The following ADGRL2 variants were observed in gnomAD, a reference collection of about 807,000 sequenced individuals.
ADGRL2 encodes calcium-independent alpha-latrotoxin receptor 2.
A neutral mutation model predicts 157.4 loss-of-function variants in ADGRL2; 44 were observed. That is an observed-to-expected ratio of 0.28 (90% confidence interval 0.22 to 0.36). ADGRL2 has a LOEUF of 0.36. ADGRL2 is among the 10% of genes least tolerant of loss of function. ADGRL2 has a pLI of 1.00. For missense variants in ADGRL2, 1,510 were observed against 1,768.9 expected, an observed-to-expected ratio of 0.85 and a Z score of 2.63; for synonymous variants, 585 against 624.7, an observed-to-expected ratio of 0.94 and a Z score of 0.95.
intron 1 of ADGRL2, among the ~76,000 whole-genome samples, chr1:81,388,303 T>C (rs966446368): frequency 6.6e-6 from 1 of 152,140 alleles, no homozygotes; most frequent in Non-Finnish European, 1.5e-5. Context: ...AGAGAGAATA[T>C]ATGTTGATTT....
chr1:81,758,602 G>C (rs1044037010), intron 1 of ADGRL2, among the ~76,000 whole-genome samples: 5 of 152,176 alleles, frequency 3.3e-5, no homozygotes, highest in African/African-American at 1.2e-4. Context: ...TCATTAAGAA[G>C]TAGCTCACCT....
intron 3 of ADGRL2, among the ~76,000 whole-genome samples, chr1:81,676,504 T>C (rs897358706): frequency 7.2e-5 from 11 of 151,952 alleles, no homozygotes; most frequent in Non-Finnish European, 1.5e-4. Context: ...TTTCACTATG[T>C]TGACTAGGCT....
rs1383781167 is a variant in ADGRL2, at chr1:81,987,026, C to T, written c.3634C>T (p.Pro1212Ser). 1 of 1,610,328 alleles carries T rather than the reference C, an allele frequency of 6.2e-7. No homozygotes were observed. Among genetic ancestry groups the T allele is most frequent in the Non-Finnish European group, 8.5e-7 (1 of 1,178,844 alleles). ...CCCTTCAGCTCCTGTATTTAACTCA[C>T]CAGGTGTGCTTTACTTACAAATAAA... ...NAPSAPVFNS[P>S]ATYRETRHSL... The change falls in exon 22 of 24, where the codon CCA (proline) becomes TCA (serine). Residue 1212 changes from proline to serine, a missense_variant. By Grantham distance (74) the Pro-to-Ser change is moderately conservative. This residue lies in a region of ADGRL2 where 327 missense variants were observed against 310.1 expected (regional missense o/e 1.05). Transcript: ENST00000686636.
intron 1 of ADGRL2, among the ~76,000 whole-genome samples, chr1:81,330,709 A>G (rs1163655333): frequency 6.6e-6 from 1 of 152,176 alleles, no homozygotes; most frequent in Non-Finnish European, 1.5e-5. Context: ...ACAAGCTGCC[A>G]ACAGATGCAT....
At chr1:81,984,493 CT>C in intron 19 of ADGRL2, 89 bp from the exon 20 acceptor site, 1 of 1,281,934 alleles carries the variant, frequency 7.8e-7, no homozygotes, top group Non-Finnish European at 1.0e-6. Flanking sequence ...AACTTTAATT[CT>C]TTTCGGTTGT....
intron 3 of ADGRL2, among the ~76,000 whole-genome samples, chr1:81,581,364 C>T (rs1429462484): frequency 6.6e-6 from 1 of 152,142 alleles, no homozygotes; most frequent in Middle Eastern, 3.2e-3. Context: ...ATATCAGTTT[C>T]TTTAAGCGGG....
At chr1:81,399,878 G>A (rs1040108310) in intron 1 of ADGRL2, among the ~76,000 whole-genome samples, 3 of 152,062 alleles carry the variant, frequency 2.0e-5, no homozygotes, top group Non-Finnish European at 4.4e-5. Flanking sequence ...GCCCTGTGTT[G>A]ATGTTGATGT....
At chr1:81,425,502 C>T (rs912693064) in intron 1 of ADGRL2, among the ~76,000 whole-genome samples, 1 of 152,218 alleles carries the variant, frequency 6.6e-6, no homozygotes, top group Non-Finnish European at 1.5e-5. Flanking sequence ...ATGAACCCCA[C>T]ATGCCTATGC....
At chr1:81,528,623 G>C (rs1290433565) in intron 2 of ADGRL2, among the ~76,000 whole-genome samples, 2 of 133,974 alleles carry the variant, frequency 1.5e-5, no homozygotes, top group Non-Finnish European at 3.1e-5. Context: ...GTCCGGCCTG[G>C]GCAAAAAAGT....
chr1:81,485,542 G>A (rs1472409969), intron 2 of ADGRL2, among the ~76,000 whole-genome samples: 1 of 152,012 alleles, frequency 6.6e-6, no homozygotes, highest in Admixed American at 6.6e-5. Context: ...GTATTTCTGT[G>A]CCTTGGTTTA....
chr1:81,823,263 G>A (rs747238322), intron 1 of ADGRL2, among the ~76,000 whole-genome samples: 30 of 151,178 alleles, frequency 2.0e-4, no homozygotes, highest in Non-Finnish European at 3.8e-4. Flanking sequence ...GTTAGTTTCC[G>A]TAATTCAGTT....
chr1:81,493,257 A>G (rs569123218), intron 2 of ADGRL2, among the ~76,000 whole-genome samples: 46 of 152,324 alleles, frequency 3.0e-4, no homozygotes, highest in African/African-American at 9.9e-4. Flanking sequence ...AGCAGATGCA[A>G]TGTGAGGTTG....
intron 3 of ADGRL2, among the ~76,000 whole-genome samples, chr1:81,612,468 C>T (rs1346934551): frequency 6.6e-6 from 1 of 152,082 alleles, no homozygotes; most frequent in Non-Finnish European, 1.5e-5. Flanking sequence ...ACATCTACTA[C>T]AAAAATAAAC....
Position 81,392,438 on chromosome 1 carries a change from TA to T in ADGRL2, c.-301-52597del, listed in dbSNP as rs151168064. On this transcript the variant is annotated intron_variant, in intron 1 of 24. Transcript: ENST00000370721. ...CTATTTTTACCAATTTCTGCAAAAT[TA>T]TGCTGGAGGAACATGCTAATGCTAA... Among the ~76,000 whole-genome samples the T allele has an allele frequency of 7.9e-3, 1,200 of 152,212 alleles. 16 individuals carry two copies. The highest frequency in any genetic ancestry group is 0.027 in the African/African-American group (1,136 of 41,548).
At chr1:81,508,239 G>A (rs187579909) in intron 2 of ADGRL2, among the ~76,000 whole-genome samples, 335 of 152,232 alleles carry the variant, frequency 2.2e-3, no homozygotes, top group Non-Finnish European at 3.5e-3. Context: ...AATTGTTTTT[G>A]TCTGACTTCT....
intron 1 of ADGRL2, among the ~76,000 whole-genome samples, chr1:81,372,269 A>G (rs2076173227): frequency 6.6e-6 from 1 of 152,244 alleles, no homozygotes; most frequent in Non-Finnish European, 1.5e-5. Context: ...AAAAAAGTGA[A>G]CAAAAGTCTT....
intron 1 of ADGRL2, among the ~76,000 whole-genome samples, chr1:81,816,733 A>C (rs1475100283): frequency 6.6e-6 from 1 of 151,978 alleles, no homozygotes; most frequent in Non-Finnish European, 1.5e-5. Context: ...CTTTCCAAAG[A>C]TTCTTTTAAT....
At chr1:81,403,799 ATTTT>A (rs200477492) in intron 1 of ADGRL2, among the ~76,000 whole-genome samples, 1 of 139,256 alleles carries the variant, frequency 7.2e-6, no homozygotes, top group African/African-American at 2.7e-5. Context: ...AATGTCTTTG[ATTTT>A]TTTTTTTTTT....
chr1:81,935,049 G>A (rs2095289995), intron 3 of ADGRL2, among the ~76,000 whole-genome samples: 1 of 151,898 alleles, frequency 6.6e-6, no homozygotes, highest in South Asian at 2.1e-4. Flanking sequence ...TATTAGTTGG[G>A]AACATTAGTT....
Sources: allele counts gnomAD v4.1 joint callset (sites outside exome capture counted in the v4.1 genomes callset), GRCh38; gene constraint gnomAD v4.1.1; regional missense constraint gnomAD v4.1.1; transcripts MANE v1.5; gene names NCBI Gene and HGNC (gene_info 2026-07-23, HGNC 2026-07-21).